The following CHP1 variants were observed in gnomAD, a reference collection of about 807,000 sequenced individuals.
The protein encoded by CHP1 is calcineurin B homologous protein 1.
Under a neutral mutation model 27.4 loss-of-function variants are expected in CHP1, and 11 were observed. The ratio of observed to expected loss-of-function variants is 0.40; its 90% confidence interval spans 0.25 to 0.67. CHP1 has a LOEUF of 0.67. Ranked by LOEUF, CHP1 falls within the 30% of genes least tolerant of loss-of-function variation. The pLI is 0.38. For synonymous variants in CHP1, 89 were observed against 87.4 expected (o/e 1.02, Z -0.10); for missense variants, 169 against 251.3 (o/e 0.67, Z 2.22).
intron 2 of CHP1, among the ~76,000 whole-genome samples, chr15:41,249,733 A>AGGC (rs777389446): frequency 6.6e-6 from 1 of 151,902 alleles, no homozygotes; most frequent in Non-Finnish European, 1.5e-5. Context: ...TGGCCTCCCA[A>AGGC]AGTGCTAAGA....
At chr15:41,278,512 A>G (rs11635269) in intron 5 of CHP1, among the ~76,000 whole-genome samples, 33,234 of 151,610 alleles carry the variant, frequency 0.22, 3,958 homozygotes, top group Non-Finnish European at 0.26. Flanking sequence ...CTCCTACTCC[A>G]CCCTCTGGTA....
At chr15:41,245,341 C>CGCCTGTGT (rs2047329128) in intron 2 of CHP1, among the ~76,000 whole-genome samples, 2 of 151,702 alleles carry the variant, frequency 1.3e-5, no homozygotes, top group East Asian at 3.9e-4. Context: ...GGCGCCTGTG[C>CGCCTGTGT]GTGGTGGTGG....
chr15:41,238,065 C>T (rs556263539), intron 1 of CHP1, among the ~76,000 whole-genome samples: 5 of 152,270 alleles, frequency 3.3e-5, no homozygotes, highest in Non-Finnish European at 5.9e-5. Flanking sequence ...ACTTCTGCTT[C>T]GCACTTCTGT....
rs2047540952 is a variant in CHP1, at chr15:41,280,659, GCACCAC to G, written c.*1273_*1278del. On this transcript the variant is annotated 3_prime_UTR_variant, in exon 7 of 7. Transcript: ENST00000334660. ...CCCAAGTAGCTGGGATTACAGGTGT[GCACCAC>G]CATGCCCGGCTAATTTTTTGTATTT... 1 of 150,834 alleles carries G rather than the reference GCACCAC, an allele frequency of 6.6e-6. No individual in the cohort carries two copies. The highest frequency in any genetic ancestry group is 1.5e-5 in the Non-Finnish European group (1 of 67,858). 9.3% of individuals were successfully genotyped at this position (150,834 alleles called of 1,614,324 possible).
chr15:41,265,761 A>T (rs1377099566), intron 4 of CHP1, among the ~76,000 whole-genome samples: 8 of 151,624 alleles, frequency 5.3e-5, no homozygotes, highest in Non-Finnish European at 2.9e-5. Flanking sequence ...ACCAAATTTT[A>T]TTATGGGTTA....
chr15:41,270,856 G>A (rs940820035), intron 5 of CHP1, among the ~76,000 whole-genome samples: 1 of 152,184 alleles, frequency 6.6e-6, no homozygotes, highest in Non-Finnish European at 1.5e-5. Context: ...GCTCACGCCT[G>A]TAATCCCAGC....
intron 1 of CHP1, among the ~76,000 whole-genome samples, chr15:41,240,734 G>T (rs1055698133): frequency 1.0e-4 from 11 of 108,846 alleles, no homozygotes; most frequent in Non-Finnish European, 2.0e-4. Flanking sequence ...GCCTGGGCAA[G>T]AAGAGCGAAA....
At chr15:41,242,167 G>A (rs1012148452) in intron 1 of CHP1, among the ~76,000 whole-genome samples, 6 of 152,246 alleles carry the variant, frequency 3.9e-5, no homozygotes, top group African/African-American at 1.4e-4. Flanking sequence ...ACCATTTTAC[G>A]AATTTGCCTA....
At chr15:41,245,475 T>C (rs1279547289) in intron 2 of CHP1, among the ~76,000 whole-genome samples, 1 of 152,158 alleles carries the variant, frequency 6.6e-6, no homozygotes, top group African/African-American at 2.4e-5. Flanking sequence ...AGAGAGACTT[T>C]GTCTCAAACA....
rs565261593 is a variant in CHP1, at chr15:41,281,304, A to T, written c.*1915A>T. 1 of 152,696 alleles carries T rather than the reference A, an allele frequency of 6.5e-6. No homozygotes were observed. Among genetic ancestry groups the T allele is most frequent in the South Asian group, 2.1e-4 (1 of 4,826 alleles). 9.5% of individuals were successfully genotyped at this position (152,696 alleles called of 1,614,324 possible). A position where few individuals can be genotyped will look rare whatever the true frequency, so the allele number is the denominator to read the frequency against. ...CTGGCTTCTTGTTTAGACCACTGCTAATCCCTTAAAAACAAGAGGTCTGGC... is the reference window on the plus strand; with the variant it reads ...CTGGCTTCTTGTTTAGACCACTGCTTATCCCTTAAAAACAAGAGGTCTGGC... On this transcript the variant is annotated 3_prime_UTR_variant, in exon 7 of 7. Transcript: ENST00000334660.
chr15:41,243,967 A>G (rs911799679), intron 2 of CHP1, among the ~76,000 whole-genome samples: 1 of 152,194 alleles, frequency 6.6e-6, no homozygotes, highest in African/African-American at 2.4e-5. Context: ...TGGGAGGTCA[A>G]GGCGGGCGGA....
rs766416744 is a variant in CHP1, at chr15:41,278,851, G to C, written c.496G>C (p.Asp166His). ...ADRTIQEADQ[D>H]GDSAISFTEF... ...CAGGACCATTCAGGAGGCTGATCAG[G>C]ATGGGGACAGTGCCATATCTTTCAC... Residue 166 changes from aspartate (D) to histidine (H), a missense_variant, in exon 6 of 7, where the codon GAT becomes CAT. Asp to His is a moderately conservative substitution (Grantham distance 81, BLOSUM62 -1). Transcript: ENST00000334660. 3 of 1,614,192 alleles carry C rather than the reference G, an allele frequency of 1.9e-6. No homozygotes were observed. Among genetic ancestry groups the C allele is most frequent in the Non-Finnish European group, 1.7e-6 (2 of 1,180,032 alleles).
At chr15:41,259,742 C>T (rs962918432) in intron 3 of CHP1, among the ~76,000 whole-genome samples, 2 of 152,096 alleles carry the variant, frequency 1.3e-5, no homozygotes, top group Non-Finnish European at 2.9e-5. Flanking sequence ...ACTAAAAGGT[C>T]ATTCTTTTGT....
chr15:41,238,280 C>T (rs2047287980), intron 1 of CHP1, among the ~76,000 whole-genome samples: 1 of 151,956 alleles, frequency 6.6e-6, no homozygotes, highest in Admixed American at 6.6e-5. Context: ...GCCTCTGCCT[C>T]CTAAATAGCT....
intron 4 of CHP1, among the ~76,000 whole-genome samples, chr15:41,263,384 G>C (rs2047443167): frequency 6.6e-6 from 1 of 152,250 alleles, no homozygotes; most frequent in Non-Finnish European, 1.5e-5. Flanking sequence ...TAAGTAATGG[G>C]GGACAGCTGG....
intron 4 of CHP1, among the ~76,000 whole-genome samples, chr15:41,265,846 G>A (rs2047457527): frequency 6.6e-6 from 1 of 152,174 alleles, no homozygotes. Context: ...GCCACGGTGA[G>A]AGAATTTTAA....
chr15:41,278,131 A>G (rs1172206004), intron 5 of CHP1, among the ~76,000 whole-genome samples: 9 of 152,030 alleles, frequency 5.9e-5, no homozygotes, highest in African/African-American at 1.9e-4. Flanking sequence ...GATCGAGACC[A>G]TCCTGTCTAA....
At chr15:41,244,606 G>C (rs901647458) in intron 2 of CHP1, among the ~76,000 whole-genome samples, 9 of 152,070 alleles carry the variant, frequency 5.9e-5, no homozygotes, top group African/African-American at 2.2e-4. Context: ...GTGCCTAGTG[G>C]GTTGTGGCCA....
intron 4 of CHP1, among the ~76,000 whole-genome samples, chr15:41,267,395 C>T (rs1285097876): frequency 6.6e-6 from 1 of 151,838 alleles, no homozygotes; most frequent in Non-Finnish European, 1.5e-5. Context: ...GGCATGGTGG[C>T]TTATTCCTGT....
Sources: allele counts gnomAD v4.1 joint callset (sites outside exome capture counted in the v4.1 genomes callset), GRCh38; gene constraint gnomAD v4.1.1; transcripts MANE v1.5; gene names NCBI Gene and HGNC (gene_info 2026-07-23, HGNC 2026-07-21).